The following MCF2L variants were observed in gnomAD, a reference collection of about 807,000 sequenced individuals.
MCF2L encodes the protein MCF.2 cell line derived transforming sequence like.
MCF2L carries 97 observed loss-of-function variants against 153.4 expected under a neutral mutation model. That is an observed-to-expected ratio of 0.63 (90% CI 0.54 to 0.75). The LOEUF (loss-of-function observed/expected upper bound fraction) is 0.75, where lower values mean the gene tolerates loss of function less well. Ranked by LOEUF, MCF2L falls within the 30% of genes least tolerant of loss-of-function variation. The pLI is 0.00. For missense variants in MCF2L, 1,347 were observed against 1,495.2 expected (o/e 0.90, Z 1.64); for synonymous variants, 659 against 632.2 (o/e 1.04, Z -0.64).
intron 2 of MCF2L, among the ~76,000 whole-genome samples, chr13:112,918,356 C>T (rs944397718): frequency 2.0e-5 from 3 of 152,166 alleles, no homozygotes; most frequent in African/African-American, 4.8e-5. Context: ...GTGGAAGCTC[C>T]GTGTTGGGGA....
chr13:112,900,326 A>G (rs779854449), intron 1 of MCF2L, among the ~76,000 whole-genome samples: 3 of 152,222 alleles, frequency 2.0e-5, no homozygotes, highest in Non-Finnish European at 2.9e-5. Context: ...GTGCCCGGAC[A>G]AGGTGGTGAG....
chr13:113,077,908 G>A (rs2033670034), intron 13 of MCF2L, among the ~76,000 whole-genome samples: 1 of 152,224 alleles, frequency 6.6e-6, no homozygotes, highest in African/African-American at 2.4e-5. Flanking sequence ...TTGCCTTCCT[G>A]TGCTGGGTCC....
At chr13:113,092,620 C>T (rs551283713) in intron 26 of MCF2L, among the ~76,000 whole-genome samples, 2 of 152,370 alleles carry the variant, frequency 1.3e-5, no homozygotes, top group South Asian at 2.1e-4. Flanking sequence ...AGGCCAATGG[C>T]TGTTTTACAG....
chr13:112,924,185 C>T (rs2140581796), intron 2 of MCF2L, among the ~76,000 whole-genome samples: 1 of 152,218 alleles, frequency 6.6e-6, no homozygotes, highest in East Asian at 1.9e-4. Flanking sequence ...TGGAAGCTCT[C>T]CCACTGAAGC....
At chr13:113,052,211 A>G (rs1455386998) in intron 4 of MCF2L, among the ~76,000 whole-genome samples, 1 of 152,194 alleles carries the variant, frequency 6.6e-6, no homozygotes, top group Admixed American at 6.5e-5. Flanking sequence ...AAATGTAGAA[A>G]CATTTTTTTA....
At chr13:112,996,445 CTA>C (rs1424485745) in intron 1 of MCF2L, among the ~76,000 whole-genome samples, 1 of 152,212 alleles carries the variant, frequency 6.6e-6, no homozygotes, top group African/African-American at 2.4e-5. Context: ...CTACCCTGGG[CTA>C]TGTGTGCAGC....
chr13:113,012,183 G>A lies in MCF2L; in HGVS notation c.80-2580G>A, dbSNP rs539569682. On this transcript the variant is annotated intron_variant, in intron 1 of 29. Coordinates refer to ENST00000535094, the MANE Select transcript of MCF2L (RefSeq NM_001112732.3). ...GATGCGGACGGTGGACAGGCAGTGT[G>A]GATGGTGGACAGGCGGTGTGGACGG... is the stretch of plus-strand genomic sequence containing the variant. Among the ~76,000 whole-genome samples the A allele has an allele frequency of 5.0e-4, 50 of 100,960 alleles. 4 individuals carry two copies. Among genetic ancestry groups the A allele is most frequent in the Non-Finnish European group, 9.6e-4 (44 of 45,702 alleles). 66.2% of individuals were successfully genotyped at this position (100,960 alleles called of 152,430 possible). A position where few individuals can be genotyped will look rare whatever the true frequency, so the allele number is the denominator to read the frequency against.
At chr13:113,083,895 A>G in intron 17 of MCF2L, 103 bp from the exon 18 acceptor site, 1 of 861,752 alleles carries the variant, frequency 1.2e-6, no homozygotes, top group Non-Finnish European at 2.0e-6. Flanking sequence ...GATTGCCCAG[A>G]GCAAGGCGTA....
intron 1 of MCF2L, chr13:113,002,051 G>A (rs973870908): frequency 7.4e-5 from 105 of 1,426,040 alleles, no homozygotes; most frequent in Non-Finnish European, 7.7e-5. Flanking sequence ...CGGGGACGCC[G>A]GGCGGGGGTG....
At chr13:112,985,250 G>A (rs1594485426) in intron 1 of MCF2L, 1 of 383,820 alleles carries the variant, frequency 2.6e-6, no homozygotes, top group Non-Finnish European at 5.3e-6. Context: ...TGGGTGAAAT[G>A]AAAGTAAAAA....
chr13:112,938,059 C>A (rs111349270), intron 2 of MCF2L, among the ~76,000 whole-genome samples: 3 of 41,976 alleles, frequency 7.1e-5, no homozygotes, highest in South Asian at 8.0e-4. Context: ...TTCAGGTAAG[C>A]GCTGAGTGGC....
Position 113,001,879 on chromosome 13 carries a change from G to A in MCF2L, c.80-12884G>A, listed in dbSNP as rs767323715. Reference sequence around the variant, plus strand: ...GCCCGGGAAGGGCGTTCCGGGAGCCGGGTCGGGGGCTCCTGACTCGCACTG... The same window carrying A: ...GCCCGGGAAGGGCGTTCCGGGAGCCAGGTCGGGGGCTCCTGACTCGCACTG... On this transcript the variant is annotated intron_variant, in intron 1 of 29. Transcript: ENST00000535094. 30 of 1,571,164 alleles carry A rather than the reference G, an allele frequency of 1.9e-5. No homozygotes were observed. The Middle Eastern group carries it at 5.7e-4, about 30-fold the overall frequency.
chr13:113,096,127 C>T (rs2035626979), intron 27 of MCF2L: 1 of 582,562 alleles, frequency 1.7e-6, no homozygotes, highest in South Asian at 2.0e-5. Context: ...GTGTGGAGAC[C>T]AGCGTGAGGG....
At chr13:113,091,124 C>T (rs1237476716) in intron 26 of MCF2L, 3 of 1,304,462 alleles carry the variant, frequency 2.3e-6, no homozygotes, top group Non-Finnish European at 3.0e-6. Context: ...CTTGCAGCTT[C>T]TCCTACCAGT....
rs1434430047 is a variant in MCF2L at position 113,053,993 on chromosome 13, G to A, written c.370-6600G>A. 8.5e-5 allele frequency among the ~76,000 whole-genome samples: 13 copies of A among 152,236 alleles called. 1 individual carries two copies. In the South Asian group the frequency reaches 2.1e-3, roughly 24 times the overall value. ...TCCGAATCGGCGAAACGCAACCAACGCTGGGCAGAACCTTGGCACAACTTT... is the reference window on the plus strand; with the variant it reads ...TCCGAATCGGCGAAACGCAACCAACACTGGGCAGAACCTTGGCACAACTTT... On this transcript the variant is annotated intron_variant, in intron 4 of 29. Transcript: ENST00000535094. The surrounding 1 kb of genome is among the most constrained non-coding windows in gnomAD (Gnocchi z 4.4).
intron 3 of MCF2L, chr13:113,044,855 G>A (rs1157737698): frequency 6.2e-7 from 1 of 1,612,832 alleles, no homozygotes; most frequent in African/African-American, 1.3e-5. Flanking sequence ...ACGTGGACCA[G>A]CACGGGCACC....
At position 112,942,831 on chromosome 13, in the gene MCF2L, C is replaced by T. The variant is rs566310256; in HGVS notation, c.169+40460C>T. Among the ~76,000 whole-genome samples the T allele has an allele frequency of 2.6e-5, 4 of 152,278 alleles. No individual in the cohort carries two copies. In the South Asian group the frequency reaches 6.2e-4, roughly 24 times the overall value. Reference sequence around the variant, plus strand: ...TGGGTGACTTAACATTCTCTCCACCCACCTGGTAGGCGTGGCCATGTCCTA... The same window carrying T: ...TGGGTGACTTAACATTCTCTCCACCTACCTGGTAGGCGTGGCCATGTCCTA... On this transcript the variant is annotated intron_variant, in intron 2 of 29. Coordinates refer to the MCF2L transcript ENST00000375608.
At chr13:113,037,625 C>A (rs1480929034) in intron 3 of MCF2L, among the ~76,000 whole-genome samples, 1 of 152,106 alleles carries the variant, frequency 6.6e-6, no homozygotes, top group Non-Finnish European at 1.5e-5. Flanking sequence ...ACTGTAAAAC[C>A]TGGGTAAAAT....
Position 113,086,219 on chromosome 13 carries a change from C to T in MCF2L, c.2343C>T (p.Ser781=). ...GCATCCTGAAGGCCGTGAACGACTCCATGCACCTCATCGCTATCACCGGCT... is the reference window on the plus strand; with the variant it reads ...GCATCCTGAAGGCCGTGAACGACTCTATGCACCTCATCGCTATCACCGGCT... The part of the protein sequence containing the change: ...ILGILKAVND[S]MHLIAITGYD... The change falls in exon 21 of 30, where the codon TCC becomes TCT. Residue 781 remains serine (S), a synonymous_variant. Transcript: ENST00000535094. The T allele has an allele frequency of 6.2e-7, 1 of 1,610,484 alleles. No homozygotes were observed. Among genetic ancestry groups the T allele is most frequent in the Non-Finnish European group, 8.5e-7 (1 of 1,178,548 alleles).
Sources: gnomAD v4.1 joint callset for allele counts (sites outside exome capture counted in the v4.1 genomes callset) on GRCh38, gnomAD v4.1.1 for gene constraint, Gnocchi (gnomAD v3.1) non-coding constraint, MANE v1.5 for transcripts, NCBI Gene and HGNC (gene_info 2026-07-23, HGNC 2026-07-21) for gene names.